STEAP2: variants seen among roughly 807,000 people sequenced by gnomAD.
The protein encoded by STEAP2 is STEAP2 metalloreductase.
In STEAP2, 30 loss-of-function variants were observed where a neutral mutation model predicts 46.4. That is an observed-to-expected ratio of 0.65 (90% CI 0.48 to 0.88). The LOEUF (loss-of-function observed/expected upper bound fraction) is 0.88. Ranked by LOEUF, STEAP2 falls within the 40% of genes least tolerant of loss-of-function variation. STEAP2 has a pLI of 0.00. For synonymous variants in STEAP2, 180 were observed against 200.5 expected (o/e 0.90, Z 0.86); for missense variants, 513 against 579.3 (o/e 0.89, Z 1.18).
At chr7:90,239,976 A>G (rs1384852287), downstream of STEAP2, among the ~76,000 whole-genome samples, 3 of 152,168 alleles carry the variant, frequency 2.0e-5, no homozygotes, top group East Asian at 5.8e-4. Context: ...AGTTTTTTAA[A>G]ACAGTGAAGT....
At position 90,233,885 on chromosome 7, in the gene STEAP2, T is replaced by C; in HGVS notation, c.*1261T>C. 1.0e-6 allele frequency: 1 copy of C among 984,230 alleles called. No homozygotes were observed. The highest frequency in any genetic ancestry group is 1.2e-6 in the Non-Finnish European group (1 of 828,888). The allele number at this position is 984,230 out of a possible 1,614,324, so 61.0% of individuals were successfully genotyped here. ...GGGTGCATCCAAAAATGTATAAAAA[T>C]ATTATTATAATAAACTTATTACTGC... is the stretch of plus-strand genomic sequence containing the variant. On this transcript the variant is annotated 3_prime_UTR_variant, in exon 6 of 6. Coordinates refer to ENST00000394621, the MANE Select transcript of STEAP2 (RefSeq NM_001244944.2).
Position 90,236,297 on chromosome 7 carries a change from A to G in STEAP2, c.*3673A>G. The G allele has an allele frequency of 1.0e-6, 1 of 971,786 alleles. No individual in the cohort carries two copies. Among genetic ancestry groups the G allele is most frequent in the Non-Finnish European group, 1.2e-6 (1 of 817,552 alleles). 60.2% of individuals were successfully genotyped at this position (971,786 alleles called of 1,614,324 possible). ...ATATTTATTTAGGAATACTGTGAAC[A>G]CTGAACTAATTATTCCTGTGTCAGT... On this transcript the variant is annotated 3_prime_UTR_variant, in exon 6 of 6. Transcript: ENST00000394621.
chr7:90,225,165 C>T lies in STEAP2; in HGVS notation c.83C>T (p.Ala28Val). The change falls in exon 3 of 6, where the codon GCA becomes GTA. Residue 28 changes from alanine (A) to valine (V), a missense_variant. By Grantham distance (64) the Ala-to-Val change is moderately conservative. Coordinates refer to ENST00000394621, the MANE Select transcript of STEAP2 (RefSeq NM_001244944.2). The stretch of plus-strand genomic sequence containing the variant: ...AATGGCATAAATGGTATCAAAGATG[C>T]AAGGAAGGTCACTGTAGGTGTGATT... ...LPNGINGIKD[A>V]RKVTVGVIGS... 1 of 1,613,848 alleles carries T rather than the reference C, an allele frequency of 6.2e-7. No individual in the cohort carries two copies. Among genetic ancestry groups the T allele is most frequent in the Non-Finnish European group, 8.5e-7 (1 of 1,179,912 alleles).
intron 2 of STEAP2, among the ~76,000 whole-genome samples, chr7:90,218,059 G>A (rs183211830): frequency 3.3e-5 from 5 of 152,062 alleles, no homozygotes; most frequent in Non-Finnish European, 7.4e-5. Context: ...TTAACCATTT[G>A]TTTGTCTTCT....
chr7:90,225,049 G>A lies in STEAP2; in HGVS notation c.-33-1G>A. The A allele has an allele frequency of 3.1e-6, 5 of 1,598,742 alleles. No homozygotes were observed. Among genetic ancestry groups the A allele is most frequent in the Non-Finnish European group, 4.3e-6 (5 of 1,172,762 alleles). On this transcript the variant is annotated splice_acceptor_variant, in intron 2 of 5. Transcript: ENST00000394621. LOFTEE classifies it low-confidence loss of function (5UTR_SPLICE). ...TGACCATTTTATTTTCTCTCCCCTA[G>A]GATATTCTTGGTGATCTTGGAAGTG... is the stretch of plus-strand genomic sequence containing the variant.
At chr7:90,218,005 T>C (rs1203665289) in intron 2 of STEAP2, among the ~76,000 whole-genome samples, 6 of 152,214 alleles carry the variant, frequency 3.9e-5, no homozygotes, top group Admixed American at 3.9e-4. Context: ...TTGATATGCA[T>C]TTCTCTGGTG....
chr7:90,216,945 A>T (rs1312477578), intron 2 of STEAP2, among the ~76,000 whole-genome samples: 1 of 152,160 alleles, frequency 6.6e-6, no homozygotes, highest in Non-Finnish European at 1.5e-5. Flanking sequence ...GCTCATTCAG[A>T]AGCAGCTCTG....
downstream of STEAP2, among the ~76,000 whole-genome samples, chr7:90,238,871 G>T (rs1407454756): frequency 1.3e-5 from 2 of 152,150 alleles, no homozygotes; most frequent in Admixed American, 1.3e-4. Context: ...TGAGACCCCT[G>T]AGAGTAGAAA....
chr7:90,225,449 A>C lies in STEAP2; in HGVS notation c.367A>C (p.Asn123His), dbSNP rs760621859. 1 of 1,613,842 alleles carries C rather than the reference A, an allele frequency of 6.2e-7. No individual in the cohort carries two copies. Among genetic ancestry groups the C allele is most frequent in the East Asian group, 2.2e-5 (1 of 44,856 alleles). ...TGATGTGAGCAATAACATGAGGATA[A>C]ACCAGTACCCAGAATCCAATGCTGA... ...LIDVSNNMRI[N>H]QYPESNAEYL... is the part of the protein sequence containing the mutation. Residue 123 changes from asparagine (N) to histidine (H), a missense_variant, in exon 3 of 6, where the codon AAC becomes CAC. Physicochemically the swap from Asn to His is moderately conservative, Grantham distance 68 (BLOSUM62 1). Transcript: ENST00000394621.
At chr7:90,221,770 T>C (rs1026559502) in intron 2 of STEAP2, among the ~76,000 whole-genome samples, 1 of 152,164 alleles carries the variant, frequency 6.6e-6, no homozygotes. Flanking sequence ...GAGTGAATTC[T>C]AAAAACAGCA....
rs1277971798 is a variant in STEAP2, at chr7:90,236,898, G to T, written c.*4274G>T. The T allele has an allele frequency of 1.2e-6, 2 of 1,613,732 alleles. No homozygotes were observed. The highest frequency in any genetic ancestry group is 1.7e-6 in the Non-Finnish European group (2 of 1,179,906). On this transcript the variant is annotated 3_prime_UTR_variant, in exon 6 of 6. Transcript: ENST00000394621. ...TTGAAATTGTCTTTAAAGATCTTTT[G>T]CAGCTTTGCAGATACCCAGACTGAG... is the stretch of plus-strand genomic sequence containing the variant.
chr7:90,215,843 C>T (rs912270838), intron 1 of STEAP2: 39 of 151,988 alleles, frequency 2.6e-4, no homozygotes, highest in African/African-American at 8.9e-4. Flanking sequence ...AGGCTGGAGT[C>T]CAGTGGCGCG....
chr7:90,217,724 AAAC>A lies in STEAP2; in HGVS notation c.-34+1123_-34+1125del, dbSNP rs1346865717. Among the ~76,000 whole-genome samples the A allele has an allele frequency of 1.1e-3, 111 of 103,340 alleles. 1 individual carries two copies. The highest frequency in any genetic ancestry group is 3.4e-3 in the African/African-American group (89 of 25,852). 67.8% of individuals were successfully genotyped at this position (103,340 alleles called of 152,430 possible). On this transcript the variant is annotated intron_variant, in intron 2 of 5. Transcript: ENST00000394621. ...GTGCGCAAAAAAAAAAAAAAAAAAA[AAAC>A]ATGTGAGGACGGGTATCTCTTTGAT...
rs976680172 is a variant in STEAP2, at chr7:90,233,630, T to C, written c.*1006T>C. The C allele has an allele frequency of 1.1e-6, 1 of 870,926 alleles. No individual in the cohort carries two copies. Among genetic ancestry groups the C allele is most frequent in the Non-Finnish European group, 1.4e-6 (1 of 725,948 alleles). 53.9% of individuals were successfully genotyped at this position (870,926 alleles called of 1,614,324 possible). A position where few individuals can be genotyped will look rare whatever the true frequency, so the allele number is the denominator to read the frequency against. On this transcript the variant is annotated 3_prime_UTR_variant, in exon 6 of 6. Transcript: ENST00000394621. The stretch of plus-strand genomic sequence containing the variant: ...AACCCCGTGAGATAAGTAGTTATTA[T>C]CCTCATTTTACACATGAGGGACCGA...
At chr7:90,232,223 A>G in intron 5 of STEAP2, 114 bp from the exon 6 acceptor site, 1 of 1,290,432 alleles carries the variant, frequency 7.7e-7, no homozygotes, top group African/African-American at 1.5e-5. Flanking sequence ...TGATAATTTA[A>G]GACAAAATAG....
At position 90,234,711 on chromosome 7, in the gene STEAP2, C is replaced by A. The variant is rs376658661; in HGVS notation, c.*2087C>A. The A allele has an allele frequency of 1.1e-5, 5 of 462,038 alleles. No homozygotes were observed. 28.6% of individuals were successfully genotyped at this position (462,038 alleles called of 1,614,324 possible). ...GACTACAGGTGCCCGCCACCATGCC[C>A]GGCTGATTTCTTTTTGTATTTTTAG... On this transcript the variant is annotated 3_prime_UTR_variant, in exon 6 of 6. Coordinates refer to ENST00000394621, the MANE Select transcript of STEAP2 (RefSeq NM_001244944.2).
chr7:90,220,901 C>A (rs967188860), intron 2 of STEAP2, among the ~76,000 whole-genome samples: 1 of 152,040 alleles, frequency 6.6e-6, no homozygotes, highest in Non-Finnish European at 1.5e-5. Flanking sequence ...CATTTAGGAG[C>A]ATGTTGTTTA....
At position 90,237,151 on chromosome 7, in the gene STEAP2, A is replaced by C. The variant is rs1454487313; in HGVS notation, c.*4527A>C. On this transcript the variant is annotated 3_prime_UTR_variant, in exon 6 of 6. Transcript: ENST00000394621. ...CAGCTGTCTCCAGAGGATCAAAGCC[A>C]CACCCAAAGAGTAAGGCAGATTAGA... is the stretch of plus-strand genomic sequence containing the variant. The C allele has an allele frequency of 7.4e-6, 4 of 541,548 alleles. No homozygotes were observed. Among genetic ancestry groups the C allele is most frequent in the Non-Finnish European group, 1.3e-5 (4 of 314,206 alleles). 33.5% of individuals were successfully genotyped at this position (541,548 alleles called of 1,614,324 possible). A position where few individuals can be genotyped will look rare whatever the true frequency, so the allele number is the denominator to read the frequency against.
chr7:90,235,604 C>G lies in STEAP2; in HGVS notation c.*2980C>G. 1 of 955,186 alleles carries G rather than the reference C, an allele frequency of 1.0e-6. No individual in the cohort carries two copies. The highest frequency in any genetic ancestry group is 1.2e-6 in the Non-Finnish European group (1 of 817,650). The allele number at this position is 955,186 out of a possible 1,614,324, so 59.2% of individuals were successfully genotyped here. On this transcript the variant is annotated 3_prime_UTR_variant, in exon 6 of 6. Coordinates refer to ENST00000394621, the MANE Select transcript of STEAP2 (RefSeq NM_001244944.2). ...AAAGAATGTAGAAAAGATACTCAGTCTTAATCCTATGCAAAAAAAAAAATC... is the reference window on the plus strand; with the variant it reads ...AAAGAATGTAGAAAAGATACTCAGTGTTAATCCTATGCAAAAAAAAAAATC...
Sources: gnomAD v4.1 joint callset for allele counts (sites outside exome capture counted in the v4.1 genomes callset) on GRCh38, gnomAD v4.1.1 for gene constraint, MANE v1.5 for transcripts, NCBI Gene and HGNC (gene_info 2026-07-23, HGNC 2026-07-21) for gene names.